HSPA4: variants seen among roughly 807,000 people sequenced by gnomAD.
The protein encoded by HSPA4 is heat shock protein family A (Hsp70) member 4.
A neutral mutation model predicts 106.2 loss-of-function variants in HSPA4; 25 were observed. The observed-to-expected ratio is 0.24, with a 90% CI of 0.17 to 0.33. The LOEUF (loss-of-function observed/expected upper bound fraction) is 0.33, where lower values mean the gene tolerates loss of function less well. HSPA4 is among the 10% of genes least tolerant of loss of function. The pLI, the probability that HSPA4 is intolerant of heterozygous loss-of-function variation, is 1.00. For missense variants in HSPA4, 841 were observed against 996.0 expected (o/e 0.84, Z 2.10); for synonymous variants, 332 against 333.6 (o/e 1.00, Z 0.05).
At position 133,104,465 on chromosome 5, in the gene HSPA4, CTA is replaced by C. The variant is rs776057437; in HGVS notation, c.*31_*32del. The C allele has an allele frequency of 5.2e-5, 83 of 1,583,298 alleles. 1 individual carries two copies. The highest frequency in any genetic ancestry group is 7.1e-5 in the Non-Finnish European group (82 of 1,153,022). On this transcript the variant is annotated 3_prime_UTR_variant, in exon 19 of 19. Transcript: ENST00000304858. ...CAACACTTGTTTCTATTAAAACAGA[CTA>C]TTATAAAGCTTTAAGTTGTCAACTT...
At chr5:133,084,094 GT>G (rs1218978700) in intron 7 of HSPA4, among the ~76,000 whole-genome samples, 1 of 152,156 alleles carries the variant, frequency 6.6e-6, no homozygotes. Flanking sequence ...ATGTTGGAAT[GT>G]TTCCTCAGGC....
chr5:133,093,618 G>T (rs577095454), intron 13 of HSPA4, among the ~76,000 whole-genome samples: 47 of 152,088 alleles, frequency 3.1e-4, no homozygotes, highest in Non-Finnish European at 5.9e-4. Flanking sequence ...AGCCTCCTGG[G>T]TAGCTGGGAC....
intron 13 of HSPA4, among the ~76,000 whole-genome samples, chr5:133,095,112 C>G (rs879681736): frequency 3.9e-5 from 6 of 152,076 alleles, no homozygotes; most frequent in Non-Finnish European, 8.8e-5. Context: ...GAGTTCGAGA[C>G]CAGCCTAGCC....
chr5:133,087,194 G>T (rs111797113), intron 8 of HSPA4, among the ~76,000 whole-genome samples: 2,377 of 152,284 alleles, frequency 0.016, 30 homozygotes, highest in Middle Eastern at 0.037. Context: ...TTCCCTAGCT[G>T]GATGAGAGCT....
chr5:133,056,136 TA>T (rs1765162490), intron 1 of HSPA4, among the ~76,000 whole-genome samples: 1 of 151,896 alleles, frequency 6.6e-6, no homozygotes, highest in Non-Finnish European at 1.5e-5. Context: ...TGAGGATGAG[TA>T]GGATTTTACC....
chr5:133,099,517 C>A, intron 15 of HSPA4, 28 bp from the exon 16 acceptor site: 1 of 1,181,856 alleles, frequency 8.5e-7, no homozygotes, highest in Non-Finnish European at 1.3e-6. Flanking sequence ...TTTGATTGAC[C>A]TAATTATAAT....
intron 8 of HSPA4, among the ~76,000 whole-genome samples, chr5:133,087,200 G>C (rs1036420048): frequency 1.3e-5 from 2 of 152,192 alleles, no homozygotes; most frequent in African/African-American, 4.8e-5. Flanking sequence ...AGCTGGATGA[G>C]AGCTACAGCA....
intron 1 of HSPA4, 114 bp downstream of exon 1, chr5:133,052,471 C>A: frequency 1.4e-6 from 1 of 709,204 alleles, no homozygotes; most frequent in Non-Finnish European, 2.3e-6. Flanking sequence ...CCGTTCCGAG[C>A]CGAGGTCCCG....
rs181828048 is a variant in HSPA4 at position 133,083,691 on chromosome 5, C to T, written c.909-3091C>T. ...TAGCTGGGGTTACAGGCATGCACCA[C>T]CACACCCAGCTAATTTTGTATTTTT... On this transcript the variant is annotated intron_variant, in intron 7 of 18. Coordinates refer to ENST00000304858, the MANE Select transcript of HSPA4 (RefSeq NM_002154.4). Among the ~76,000 whole-genome samples the T allele has an allele frequency of 2.6e-5, 4 of 152,156 alleles. No individual in the cohort carries two copies. In the East Asian group the frequency reaches 7.7e-4, roughly 29 times the overall value.
At chr5:133,095,038 G>T (rs370628717) in intron 13 of HSPA4, among the ~76,000 whole-genome samples, 1 of 152,092 alleles carries the variant, frequency 6.6e-6, no homozygotes, top group Non-Finnish European at 1.5e-5. Flanking sequence ...TAGAAGAGTC[G>T]CTGTGGCTCA....
In HSPA4 at chr5:133,088,549, A is replaced by G. The variant is rs1765607068; in HGVS notation, c.1131A>G (p.Ala377=). 1 of 1,612,944 alleles carries G rather than the reference A, an allele frequency of 6.2e-7. No homozygotes were observed. The highest frequency in any genetic ancestry group is 8.5e-7 in the Non-Finnish European group (1 of 1,179,056). The stretch of plus-strand genomic sequence containing the variant: ...ATGAAGCTGTCACTCGAGGCTGTGC[A>G]TTGCAGGTGAATATTCTTTCTTTTA... ...NADEAVTRGC[A]LQCAILSPAF... is the part of the protein sequence containing the mutation. The change falls in exon 9 of 19, where the codon GCA becomes GCG. Residue 377 remains alanine (A), a synonymous_variant. Transcript: ENST00000304858.
chr5:133,079,594 T>G (rs1207811233), intron 7 of HSPA4, among the ~76,000 whole-genome samples: 8 of 152,188 alleles, frequency 5.3e-5, no homozygotes, highest in Non-Finnish European at 1.0e-4. Context: ...CTATGGACAT[T>G]TGTGAACAAG....
At chr5:133,087,133 C>CT (rs147149813) in intron 8 of HSPA4, among the ~76,000 whole-genome samples, 2,803 of 152,150 alleles carry the variant, frequency 0.018, 88 homozygotes, top group African/African-American at 0.065. Flanking sequence ...TAAAAATTGT[C>CT]TTTTGCGATG....
chr5:133,078,319 G>A (rs1448460697), intron 7 of HSPA4, among the ~76,000 whole-genome samples: 4 of 149,168 alleles, frequency 2.7e-5, no homozygotes, highest in Non-Finnish European at 5.9e-5. Flanking sequence ...GCGACAGTGA[G>A]ACTCCGTCTC....
Position 133,074,098 on chromosome 5 carries a change from T to C in HSPA4, c.635T>C (p.Val212Ala). The C allele has an allele frequency of 2.5e-6, 4 of 1,602,202 alleles. No homozygotes were observed. Among genetic ancestry groups the C allele is most frequent in the Non-Finnish European group, 2.6e-6 (3 of 1,175,128 alleles). The stretch of plus-strand genomic sequence containing the variant: ...GGCCACTCTGCTTATCAAGTTTCTG[T>C]ATGTGCATTTAATAGAGGAAAACTG... ...DMGHSAYQVS[V>A]CAFNRGKLKV... Residue 212 changes from valine to alanine, a missense_variant, in exon 6 of 19, where the codon GTA becomes GCA. Physicochemically the swap from Val to Ala is moderately conservative, Grantham distance 64 (BLOSUM62 0). This residue lies in a region of HSPA4 where 347 missense variants were observed against 408.7 expected (regional missense o/e 0.85). Coordinates refer to ENST00000304858, the MANE Select transcript of HSPA4 (RefSeq NM_002154.4).
In HSPA4 at chr5:133,070,408, C is replaced by T. The variant is rs771509146; in HGVS notation, c.341C>T (p.Thr114Ile). 1.2e-6 allele frequency: 2 copies of T among 1,611,128 alleles called. No homozygotes were observed. The highest frequency in any genetic ancestry group is 1.3e-5 in the African/African-American group (1 of 74,518). The change falls in exon 4 of 19, where the codon ACT (threonine) becomes ATT (isoleucine). Residue 114 changes from threonine (T) to isoleucine (I), a missense_variant. Transcript: ENST00000304858. ...ATGGAGGAAGAGCGAAATTTTACCA[C>T]TGAGCAAGTGACTGCCATGCTTTTG... The part of the protein sequence containing the change: ...TYMEEERNFT[T>I]EQVTAMLLSK...
intron 15 of HSPA4, 61 bp downstream of exon 15, chr5:133,097,347 T>TA: frequency 6.6e-7 from 1 of 1,506,240 alleles, no homozygotes; most frequent in South Asian, 1.2e-5. Flanking sequence ...TTAAGTGGGT[T>TA]AGAAGGGAAG....
At chr5:133,067,612 GT>G (rs1765324680) in intron 3 of HSPA4, 55 bp downstream of exon 3, 4 of 1,390,692 alleles carry the variant, frequency 2.9e-6, no homozygotes, top group East Asian at 2.3e-5. Context: ...TATTTTATCA[GT>G]TCAATATCTA....
At position 133,076,867 on chromosome 5, in the gene HSPA4, A is replaced by T; in HGVS notation, c.877A>T (p.Asn293Tyr). Residue 293 changes from asparagine to tyrosine, a missense_variant, in exon 7 of 19, where the codon AAT (asparagine) becomes TAT (tyrosine). Coordinates refer to ENST00000304858, the MANE Select transcript of HSPA4 (RefSeq NM_002154.4). ...CCCTTTGAGCATTGAATGTTTTATGAATGATGTTGATGTATCTGGAACTAT... is the reference window on the plus strand; with the variant it reads ...CCCTTTGAGCATTGAATGTTTTATGTATGATGTTGATGTATCTGGAACTAT... ...DLPLSIECFM[N>Y]DVDVSGTMNR... 1.2e-6 allele frequency: 2 copies of T among 1,611,732 alleles called. No individual in the cohort carries two copies. Among genetic ancestry groups the T allele is most frequent in the Non-Finnish European group, 1.7e-6 (2 of 1,177,914 alleles).
Sources: gnomAD v4.1 joint callset for allele counts (sites outside exome capture counted in the v4.1 genomes callset) on GRCh38, gnomAD v4.1.1 for gene constraint, gnomAD v4.1.1 regional missense constraint, MANE v1.5 for transcripts, NCBI Gene and HGNC (gene_info 2026-07-23, HGNC 2026-07-21) for gene names.